The following LTBP3 variants were observed in gnomAD, a reference collection of about 807,000 sequenced individuals.
LTBP3 encodes latent-transforming growth factor beta-binding protein 3.
LTBP3 carries 97 observed loss-of-function variants against 159.7 expected under a neutral mutation model. The observed-to-expected ratio is 0.61, with a 90% CI of 0.52 to 0.72. LTBP3 has a LOEUF of 0.72. LTBP3 is among the 30% of genes least tolerant of loss of function. LTBP3 has a pLI of 0.00. For synonymous variants in LTBP3, 824 were observed against 777.1 expected (o/e 1.06, Z -1.00); for missense variants, 1,584 against 1,864.3 (o/e 0.85, Z 2.77).
chr11:65,553,914 G>C lies in LTBP3; in HGVS notation c.662-11C>G. 1 of 1,522,870 alleles carries C rather than the reference G, an allele frequency of 6.6e-7. No individual in the cohort carries two copies. Among genetic ancestry groups the C allele is most frequent in the East Asian group, 2.4e-5 (1 of 41,546 alleles). The allele number at this position is 1,522,870 out of a possible 1,614,324, so 94.3% of individuals were successfully genotyped here. The stretch of plus-strand genomic sequence containing the variant: ...GGGGCGGGGCCTGCACTGGGGGCGG[G>C]CGCGGTGGCCTCAGGGCTGCCCGCA... On this transcript the variant is annotated splice_polypyrimidine_tract_variant and intron_variant, in intron 2 of 27. Coordinates refer to ENST00000301873, the MANE Select transcript of LTBP3 (RefSeq NM_001130144.3). This position sits in a 1 kb window ranked among gnomAD's most constrained non-coding sequence, Gnocchi z 6.5.
Position 65,552,381 on chromosome 11 carries a change from C to T in LTBP3, c.1212G>A (p.Leu404=), listed in dbSNP as rs1856643297. ...GCTCAGGGCTCACCAGGCGGAAACA[C>T]AGGCTCTTCTCCTCCGGTTTGTCTG... The part of the protein sequence containing the change: ...CIADKPEEKS[L]CFRLVSPEHQ... The change falls in exon 7 of 28, where the codon CTG becomes CTA. Residue 404 remains leucine (L), a synonymous_variant. Coordinates refer to ENST00000301873, the MANE Select transcript of LTBP3 (RefSeq NM_001130144.3). This position sits in a 1 kb window ranked among gnomAD's most constrained non-coding sequence, Gnocchi z 6.0. 2.5e-6 allele frequency: 4 copies of T among 1,613,718 alleles called. No homozygotes were observed. Among genetic ancestry groups the T allele is most frequent in the Non-Finnish European group, 3.4e-6 (4 of 1,179,948 alleles).
At chr11:65,556,186 A>G (rs780223125) in intron 1 of LTBP3, among the ~76,000 whole-genome samples, 3 of 152,130 alleles carry the variant, frequency 2.0e-5, no homozygotes, top group Non-Finnish European at 4.4e-5. Flanking sequence ...CTCTTGTCAC[A>G]CACACACAGA....
Position 65,540,227 on chromosome 11 carries a change from C to A in LTBP3, c.3244+18G>T. ...CCCCGCCCCTCCCGCGTACCCCACT[C>A]CCCGGCCCGGGCCTCACCCATCTCT... On this transcript the variant is annotated intron_variant, in intron 23 of 27. Coordinates refer to ENST00000301873, the MANE Select transcript of LTBP3 (RefSeq NM_001130144.3). 6.5e-7 allele frequency: 1 copy of A among 1,548,354 alleles called. No homozygotes were observed. The highest frequency in any genetic ancestry group is 8.7e-7 in the Non-Finnish European group (1 of 1,146,452).
chr11:65,555,360 G>C (rs973142660), intron 1 of LTBP3, among the ~76,000 whole-genome samples: 2 of 152,128 alleles, frequency 1.3e-5, no homozygotes, highest in South Asian at 4.2e-4. Flanking sequence ...AAATGTGCCT[G>C]CCTCCTGCCT....
In LTBP3 at chr11:65,546,747, G is replaced by A. The variant is rs1277571165; in HGVS notation, c.2230+51C>T. 1.3e-6 allele frequency: 2 copies of A among 1,538,990 alleles called. No individual in the cohort carries two copies. Among genetic ancestry groups the A allele is most frequent in the East Asian group, 4.6e-5 (2 of 43,590 alleles). On this transcript the variant is annotated intron_variant, in intron 15 of 27. Coordinates refer to ENST00000301873, the MANE Select transcript of LTBP3 (RefSeq NM_001130144.3). The surrounding 1 kb of genome is among the most constrained non-coding windows in gnomAD (Gnocchi z 4.0). Reference sequence around the variant, plus strand: ...GCCCCGCCCCCAGCGGAGCCAGACTGGGGGAGGCACCTGACGGCCCCACCC... The same window carrying A: ...GCCCCGCCCCCAGCGGAGCCAGACTAGGGGAGGCACCTGACGGCCCCACCC...
intron 11 of LTBP3, 114 bp downstream of exon 11, chr11:65,551,012 C>T (rs949375242): frequency 3.1e-5 from 28 of 902,044 alleles, no homozygotes; most frequent in Non-Finnish European, 4.4e-5. Context: ...GTGCCCAGCC[C>T]TGGATACACG....
chr11:65,546,230 A>T lies in LTBP3; in HGVS notation c.2353+212T>A. 1 of 603,888 alleles carries T rather than the reference A, an allele frequency of 1.7e-6. No homozygotes were observed. Among genetic ancestry groups the T allele is most frequent in the Non-Finnish European group, 2.8e-6 (1 of 357,144 alleles). 37.4% of individuals were successfully genotyped at this position (603,888 alleles called of 1,614,324 possible). A position where few individuals can be genotyped will look rare whatever the true frequency, so the allele number is the denominator to read the frequency against. Reference sequence around the variant, plus strand: ...TCAAATTTAAGTAACATGCTTTGCAAACGCAGCTTCGAGCTCTACCCCGAG... The same window carrying T: ...TCAAATTTAAGTAACATGCTTTGCATACGCAGCTTCGAGCTCTACCCCGAG... On this transcript the variant is annotated intron_variant, in intron 16 of 27. Coordinates refer to ENST00000301873, the MANE Select transcript of LTBP3 (RefSeq NM_001130144.3). The surrounding 1 kb of genome is among the most constrained non-coding windows in gnomAD (Gnocchi z 4.0).
intron 16 of LTBP3, 157 bp from the exon 17 acceptor site, chr11:65,543,706 C>CT (rs1228619312): frequency 1.0e-6 from 1 of 954,476 alleles, no homozygotes; most frequent in Non-Finnish European, 1.6e-6. Context: ...ACACAGTGCC[C>CT]TGACGACCAG....
intron 18 of LTBP3, chr11:65,542,839 G>T: frequency 2.1e-6 from 1 of 481,822 alleles, no homozygotes. Flanking sequence ...CATGTTTACT[G>T]TGATCATTGT....
rs1278465622 is a variant in LTBP3 at position 65,540,152 on chromosome 11, G to A, written c.3246C>T (p.Asp1082=). ...QRQCLSPEEM[D]VDECQDPAAC... is the part of the protein sequence containing the mutation. The stretch of plus-strand genomic sequence containing the variant: ...CTGCCGGGTCCTGGCACTCGTCCAC[G>A]TCTACGAACAGCGAGGGGGTGGGTG... Residue 1082 remains aspartate, a splice_region_variant and synonymous_variant, in exon 24 of 28, where the codon GAC becomes GAT. Transcript: ENST00000301873. 1.3e-6 allele frequency: 2 copies of A among 1,532,826 alleles called. No homozygotes were observed. Among genetic ancestry groups the A allele is most frequent in the East Asian group, 2.5e-5 (1 of 40,612 alleles). 95.0% of individuals were successfully genotyped at this position (1,532,826 alleles called of 1,614,324 possible).
chr11:65,540,833 G>A (rs368163963), intron 21 of LTBP3, 38 bp downstream of exon 21: 1 of 1,584,938 alleles, frequency 6.3e-7, no homozygotes, highest in South Asian at 1.1e-5. Flanking sequence ...AACCCGGGGT[G>A]AGAGGGCGCG....
chr11:65,542,380 A>ATTT (rs1856176723), intron 18 of LTBP3: 1 of 114,118 alleles, frequency 8.8e-6, no homozygotes, highest in African/African-American at 4.0e-5. Context: ...TGCTCAATAA[A>ATTT]CTTTTTTTTT....
In LTBP3 at chr11:65,539,394, G is replaced by A. The variant is rs902468997; in HGVS notation, c.3694C>T (p.Pro1232Ser). 1.9e-6 allele frequency: 3 copies of A among 1,546,910 alleles called. No homozygotes were observed. Among genetic ancestry groups the A allele is most frequent in the African/African-American group, 2.7e-5 (2 of 72,794 alleles). The change falls in exon 27 of 28, where the codon CCG (proline) becomes TCG (serine). Residue 1232 changes from proline (P) to serine (S), a missense_variant. Pro to Ser is a moderately conservative substitution (Grantham distance 74, BLOSUM62 -1). Coordinates refer to ENST00000301873, the MANE Select transcript of LTBP3 (RefSeq NM_001130144.3). ...GGACACTCGCACACGGCGCCGCCCGGCCGCGGCACGCAGCGGCCACTCACG... is the reference window on the plus strand; with the variant it reads ...GGACACTCGCACACGGCGCCGCCCGACCGCGGCACGCAGCGGCCACTCACG... ...RCVSGRCVPR[P>S]GGAVCECPGG... is the part of the protein sequence containing the mutation.
chr11:65,553,682 C>A lies in LTBP3; in HGVS notation c.864+19G>T. The A allele has an allele frequency of 1.3e-6, 2 of 1,566,390 alleles. No individual in the cohort carries two copies. The highest frequency in any genetic ancestry group is 1.7e-6 in the Non-Finnish European group (2 of 1,163,154). On this transcript the variant is annotated intron_variant, in intron 3 of 27. Coordinates refer to ENST00000301873, the MANE Select transcript of LTBP3 (RefSeq NM_001130144.3). The surrounding 1 kb of genome is among the most constrained non-coding windows in gnomAD (Gnocchi z 6.5). Reference sequence around the variant, plus strand: ...CCCTGAGAGAAGGAAAGGCAGATCCCGACTGTGGATTCACTCACCGGCTGC... The same window carrying A: ...CCCTGAGAGAAGGAAAGGCAGATCCAGACTGTGGATTCACTCACCGGCTGC...
chr11:65,540,778 G>A (rs933149139), intron 21 of LTBP3, 93 bp downstream of exon 21: 3 of 1,494,840 alleles, frequency 2.0e-6, no homozygotes, highest in Non-Finnish European at 2.7e-6. Context: ...CTTACCCGGC[G>A]CGGGCAGCTG....
At chr11:65,549,593 G>GTTTTTTTTTTTTT (rs1565097219) in intron 11 of LTBP3, among the ~76,000 whole-genome samples, 5 of 109,916 alleles carry the variant, frequency 4.5e-5, no homozygotes, top group Admixed American at 1.1e-4. Context: ...TTTTTTTTTG[G>GTTTTTTTTTTTTT]ATTTTTAGTA....
At position 65,540,612 on chromosome 11, in the gene LTBP3, T is replaced by C; in HGVS notation, c.2980A>G (p.Ile994Val). ...VNYGIPAHRDIDECMLFGSEI... is the reference protein window; with the variant it reads ...VNYGIPAHRDVDECMLFGSEI... ...GACCCGAACAACATGCACTCGTCGA[T>C]GTCTGCGGGGTGACAAACACTGGCC... The change falls in exon 22 of 28, where the codon ATC (isoleucine) becomes GTC (valine). Residue 994 changes from isoleucine to valine, a missense_variant and splice_region_variant. By Grantham distance (29) the Ile-to-Val change is conservative. Around this residue, in one of 6 missense-constraint regions of LTBP3, gnomAD observed 514 missense variants for 530.3 expected, o/e 0.97. Coordinates refer to ENST00000301873, the MANE Select transcript of LTBP3 (RefSeq NM_001130144.3). The C allele has an allele frequency of 6.2e-7, 1 of 1,601,254 alleles. No homozygotes were observed. Among genetic ancestry groups the C allele is most frequent in the Non-Finnish European group, 8.5e-7 (1 of 1,173,162 alleles).
At position 65,540,288 on chromosome 11, in the gene LTBP3, C is replaced by T. The variant is rs569761308; in HGVS notation, c.3201G>A (p.Glu1067=). The change falls in exon 23 of 28, where the codon GAG becomes GAA. Residue 1067 remains glutamate (E), a synonymous_variant. Coordinates refer to ENST00000301873, the MANE Select transcript of LTBP3 (RefSeq NM_001130144.3). ...GYRCACTPPA[E]YSPAQRQCLS... ...GGCACTGGCGCTGCGCGGGACTGTA[C>T]TCGGCAGGGGGCGTGCAGGCACAGC... 2 of 1,558,796 alleles carry T rather than the reference C, an allele frequency of 1.3e-6. No homozygotes were observed. Among genetic ancestry groups the T allele is most frequent in the Non-Finnish European group, 1.7e-6 (2 of 1,151,260 alleles).
chr11:65,542,761 C>T (rs1856196861), intron 18 of LTBP3: 1 of 353,208 alleles, frequency 2.8e-6, no homozygotes, highest in South Asian at 2.2e-5. Flanking sequence ...AAGACCAATA[C>T]ATTAATATCT....
Sources: allele counts gnomAD v4.1 joint callset (sites outside exome capture counted in the v4.1 genomes callset), GRCh38; gene constraint gnomAD v4.1.1; regional missense constraint gnomAD v4.1.1; non-coding constraint Gnocchi (gnomAD v3.1); transcripts MANE v1.5; gene names NCBI Gene and HGNC (gene_info 2026-07-23, HGNC 2026-07-21).